The following ABCA1 variants were observed in gnomAD, a reference collection of about 807,000 sequenced individuals.
The protein encoded by ABCA1 is phospholipid-transporting ATPase ABCA1.
Under a neutral mutation model 262.5 loss-of-function variants are expected in ABCA1, and 133 were observed. The observed-to-expected ratio is 0.51, with a 90% confidence interval of 0.44 to 0.59. ABCA1 has a LOEUF of 0.59. ABCA1 is among the 20% of genes least tolerant of loss of function. The probability of loss-of-function intolerance (pLI) is 0.00; values close to 1 mark genes in which losing one functional copy is unlikely to be tolerated. For synonymous variants in ABCA1, 1,022 were observed against 1,043.5 expected (o/e 0.98, Z 0.40); for missense variants, 2,452 against 2,777.5 (o/e 0.88, Z 2.63).
At chr9:104,794,612 G>A in intron 39 of ABCA1, 102 bp from the exon 40 acceptor site, 1 of 1,401,338 alleles carries the variant, frequency 7.1e-7, no homozygotes. Context: ...CTGAAATATG[G>A]GAGTGAAGAA....
Position 104,806,438 on chromosome 9 carries a change from G to A in ABCA1, c.4275-8C>T. ...GCCTGGCAGGGCGTGTCTCTGCAAAGGGAAGACAGCAAGAGTAGGATTACC... is the reference window on the plus strand; with the variant it reads ...GCCTGGCAGGGCGTGTCTCTGCAAAAGGAAGACAGCAAGAGTAGGATTACC... On this transcript the variant is annotated splice_polypyrimidine_tract_variant and splice_region_variant and intron_variant, in intron 30 of 49. Coordinates refer to ENST00000374736, the MANE Select transcript of ABCA1 (RefSeq NM_005502.4). The A allele has an allele frequency of 6.2e-6, 10 of 1,614,056 alleles. No homozygotes were observed. The highest frequency in any genetic ancestry group is 8.5e-6 in the Non-Finnish European group (10 of 1,179,998).
chr9:104,885,024 T>C (rs1839029066), intron 3 of ABCA1, among the ~76,000 whole-genome samples: 1 of 152,108 alleles, frequency 6.6e-6, no homozygotes, highest in African/African-American at 2.4e-5. Context: ...TCACCTGAGG[T>C]CAGGAGTTCA....
chr9:104,823,136 T>TA (rs923806648), intron 18 of ABCA1, among the ~76,000 whole-genome samples: 4 of 151,134 alleles, frequency 2.6e-5, no homozygotes, highest in African/African-American at 9.8e-5. Flanking sequence ...CTAGAAATAA[T>TA]AAAACTGTAA....
intron 1 of ABCA1, among the ~76,000 whole-genome samples, chr9:104,926,708 C>T (rs991873654): frequency 2.6e-5 from 4 of 152,196 alleles, no homozygotes; most frequent in African/African-American, 7.2e-5. Flanking sequence ...CGCGGCGGAG[C>T]TCCGAGTTCT....
intron 2 of ABCA1, among the ~76,000 whole-genome samples, chr9:104,901,950 T>C (rs1840700420): frequency 6.6e-6 from 1 of 152,174 alleles, no homozygotes; most frequent in Non-Finnish European, 1.5e-5. Context: ...TGTTTGCTTT[T>C]ATTTTATTAA....
chr9:104,844,008 ATT>A (rs1193109054), intron 8 of ABCA1, among the ~76,000 whole-genome samples: 1 of 140,062 alleles, frequency 7.1e-6, no homozygotes, highest in Non-Finnish European at 1.5e-5. Context: ...CCTGCTTCCA[ATT>A]TTTTTTTTTA....
chr9:104,905,206 C>G (rs1841023134), intron 1 of ABCA1, among the ~76,000 whole-genome samples: 2 of 152,146 alleles, frequency 1.3e-5, no homozygotes. Context: ...GCATGAGGAA[C>G]AAGGAGCAGA....
At chr9:104,793,480 G>C (rs981870858) in intron 40 of ABCA1, among the ~76,000 whole-genome samples, 180 bp from the exon 41 acceptor site, 2 of 151,588 alleles carry the variant, frequency 1.3e-5, no homozygotes, top group African/African-American at 4.9e-5. Context: ...TCTGATTTGG[G>C]AAAACTTTTT....
intron 1 of ABCA1, among the ~76,000 whole-genome samples, chr9:104,909,688 T>C (rs144822591): frequency 6.6e-6 from 1 of 150,786 alleles, no homozygotes; most frequent in Non-Finnish European, 1.5e-5. Flanking sequence ...GGGGAAATGA[T>C]GACCCTAGTT....
At chr9:104,861,467 G>A (rs952001887) in intron 6 of ABCA1, 14 of 632,506 alleles carry the variant, frequency 2.2e-5, no homozygotes, top group Non-Finnish European at 3.9e-5. Flanking sequence ...ATTTTAACCA[G>A]CTGGCCCATG....
At position 104,832,560 on chromosome 9, in the gene ABCA1, A is replaced by G. The variant is rs1833438816; in HGVS notation, c.1509+14T>C. The G allele has an allele frequency of 6.2e-7, 1 of 1,614,024 alleles. No individual in the cohort carries two copies. The highest frequency in any genetic ancestry group is 1.1e-5 in the South Asian group (1 of 91,084). On this transcript the variant is annotated intron_variant, in intron 12 of 49. Transcript: ENST00000374736. ...CGTTAAGTCTTTTCTAAATGATCCC[A>G]GCAACAGATTCACCTCCATGAAGCG...
At chr9:104,881,717 G>A (rs1025115651) in intron 5 of ABCA1, among the ~76,000 whole-genome samples, 7 of 152,040 alleles carry the variant, frequency 4.6e-5, no homozygotes, top group African/African-American at 1.7e-4. Context: ...AATCAGCAGG[G>A]GCTCTCCAGT....
At chr9:104,849,760 A>G (rs865903077) in intron 7 of ABCA1, among the ~76,000 whole-genome samples, 1 of 152,244 alleles carries the variant, frequency 6.6e-6, no homozygotes, top group African/African-American at 2.4e-5. Flanking sequence ...GCCAAAGACT[A>G]GAAGCATGGA....
chr9:104,796,071 C>T lies in ABCA1; in HGVS notation c.5364G>A (p.Leu1788=). ...GINGSVATFV[L]ELFTDNKLNN... is the part of the protein sequence containing the mutation. ...GACTCACATTGTCGGTGAACAGCTC[C>T]AGCACAAAGGTGGCCACGCTGCCAT... is the stretch of plus-strand genomic sequence containing the variant. The change falls in exon 39 of 50, where the codon CTG becomes CTA. Residue 1788 remains leucine (L), a synonymous_variant. Transcript: ENST00000374736. 1 of 1,612,842 alleles carries T rather than the reference C, an allele frequency of 6.2e-7. No homozygotes were observed. Among genetic ancestry groups the T allele is most frequent in the Non-Finnish European group, 8.5e-7 (1 of 1,179,992 alleles).
In ABCA1 at chr9:104,883,157, A is replaced by G; in HGVS notation, c.303T>C (p.Ile101=). 2 of 1,613,398 alleles carry G rather than the reference A, an allele frequency of 1.2e-6. No individual in the cohort carries two copies. Among genetic ancestry groups the G allele is most frequent in the Non-Finnish European group, 1.7e-6 (2 of 1,179,540 alleles). Residue 101 remains isoleucine (I), a splice_region_variant and synonymous_variant, in exon 5 of 50, where the codon ATT becomes ATC. Coordinates refer to ENST00000374736, the MANE Select transcript of ABCA1 (RefSeq NM_005502.4). The part of the protein sequence containing the change: ...PGVVGNFNKS[I]VARLFSDARR... ...GAGCATCTGAGAACAGGCGAGCCAC[A>G]CTGTAAAGGGTGCAAGAAAAGGCGA...
chr9:104,925,622 C>T (rs1826263223), intron 1 of ABCA1, among the ~76,000 whole-genome samples: 1 of 152,124 alleles, frequency 6.6e-6, no homozygotes, highest in Non-Finnish European at 1.5e-5. Flanking sequence ...GACCCACTTC[C>T]CCGGTCCTTC....
At chr9:104,845,665 G>T in intron 7 of ABCA1, 96 bp from the exon 8 acceptor site, 1 of 873,680 alleles carries the variant, frequency 1.1e-6, no homozygotes, top group South Asian at 1.4e-5. Flanking sequence ...TCACAATCTT[G>T]AGTTTAACAA....
chr9:104,864,107 G>A (rs1836864544), intron 5 of ABCA1, among the ~76,000 whole-genome samples: 2 of 152,338 alleles, frequency 1.3e-5, no homozygotes, highest in African/African-American at 4.8e-5. Context: ...TAGGGAATAT[G>A]CGTTCTTAGT....
intron 1 of ABCA1, among the ~76,000 whole-genome samples, chr9:104,922,859 A>C (rs745964675): frequency 6.6e-6 from 1 of 151,978 alleles, no homozygotes; most frequent in Non-Finnish European, 1.5e-5. Context: ...TGGGATTACA[A>C]GCACCCACCA....
Sources: gnomAD v4.1 joint callset for allele counts (sites outside exome capture counted in the v4.1 genomes callset) on GRCh38, gnomAD v4.1.1 for gene constraint, MANE v1.5 for transcripts, NCBI Gene and HGNC (gene_info 2026-07-23, HGNC 2026-07-21) for gene names.